The following ZNF831 variants were observed in gnomAD, a reference collection of about 807,000 sequenced individuals.
The protein encoded by ZNF831 is chromosome 20 open reading frame 174.
ZNF831 carries 59 observed loss-of-function variants against 95.8 expected under a neutral mutation model. The ratio of observed to expected loss-of-function variants is 0.62; its 90% confidence interval spans 0.50 to 0.77. ZNF831 has a LOEUF of 0.77. ZNF831 is among the 30% of genes least tolerant of loss of function. The pLI, the probability that ZNF831 is intolerant of heterozygous loss-of-function variation, is 0.00. For synonymous variants in ZNF831, 961 were observed against 925.5 expected (o/e 1.04, Z -0.70); for missense variants, 2,205 against 2,164.0 (o/e 1.02, Z -0.38).
At chr20:59,183,323 G>A (rs1223122186) in intron 1 of ZNF831, among the ~76,000 whole-genome samples, 2 of 152,204 alleles carry the variant, frequency 1.3e-5, no homozygotes, top group Non-Finnish European at 2.9e-5. Context: ...GTGGACTAGG[G>A]AGCATGTTGC....
chr20:59,188,641 A>C (rs1983257681), intron 1 of ZNF831, among the ~76,000 whole-genome samples: 1 of 151,334 alleles, frequency 6.6e-6, no homozygotes, highest in African/African-American at 2.4e-5. Flanking sequence ...TGGGCGACAG[A>C]GTGAGACTCC....
At chr20:59,136,452 C>T (rs1246189643) in intron 1 of ZNF831, among the ~76,000 whole-genome samples, 1 of 152,156 alleles carries the variant, frequency 6.6e-6, no homozygotes, top group African/African-American at 2.4e-5. Context: ...TTCTGCCTTC[C>T]ACATTACCCA....
intron 1 of ZNF831, among the ~76,000 whole-genome samples, chr20:59,129,973 A>G (rs1979298810): frequency 6.6e-6 from 1 of 152,204 alleles, no homozygotes; most frequent in Non-Finnish European, 1.5e-5. Flanking sequence ...GACCATATGC[A>G]GACTTCAGGA....
intron 3 of ZNF831, among the ~76,000 whole-genome samples, chr20:59,205,209 T>G (rs998247002): frequency 6.6e-6 from 1 of 152,130 alleles, no homozygotes; most frequent in African/African-American, 2.4e-5. Context: ...GAAGAAGAAT[T>G]CTCTCCATGT....
chr20:59,201,016 A>G (rs1321704024), intron 3 of ZNF831, among the ~76,000 whole-genome samples: 5 of 152,212 alleles, frequency 3.3e-5, no homozygotes, highest in Non-Finnish European at 7.3e-5. Flanking sequence ...AAAAGCCTGG[A>G]TCATATGGTA....
intron 1 of ZNF831, among the ~76,000 whole-genome samples, chr20:59,143,969 G>A (rs769433486): frequency 2.0e-5 from 3 of 152,276 alleles, no homozygotes; most frequent in East Asian, 1.9e-4. Flanking sequence ...GTGATTATCC[G>A]CTGAGTGCTC....
In ZNF831 at chr20:59,194,034, G is replaced by T; in HGVS notation, c.3015G>T (p.Leu1005=). The change falls in exon 2 of 6, where the codon CTG becomes CTT. Residue 1005 remains leucine (L), a synonymous_variant. Transcript: ENST00000371030. ...GPSPGEADSI[L]EDPSCSRPQD... Reference sequence around the variant, plus strand: ...CCCCAGGTGAGGCGGACAGCATCCTGGAGGACCCCAGCTGTTCCAGGCCAC... The same window carrying T: ...CCCCAGGTGAGGCGGACAGCATCCTTGAGGACCCCAGCTGTTCCAGGCCAC... 6.5e-7 allele frequency: 1 copy of T among 1,527,752 alleles called. No individual in the cohort carries two copies. Among genetic ancestry groups the T allele is most frequent in the South Asian group, 1.3e-5 (1 of 77,094 alleles). The allele number at this position is 1,527,752 out of a possible 1,614,324, so 94.6% of individuals were successfully genotyped here. A position where few individuals can be genotyped will look rare whatever the true frequency, so the allele number is the denominator to read the frequency against.
chr20:59,183,476 A>C lies in ZNF831; in HGVS notation c.-36-7508A>C, dbSNP rs918230855. 1.1e-4 allele frequency among the ~76,000 whole-genome samples: 17 copies of C among 152,204 alleles called. 1 individual carries two copies. Among genetic ancestry groups the C allele is most frequent in the African/African-American group, 4.1e-4 (17 of 41,442 alleles). On this transcript the variant is annotated intron_variant, in intron 1 of 5. Coordinates refer to ENST00000371030, the MANE Select transcript of ZNF831 (RefSeq NM_178457.3). ...TGGCCTACAGATACATATTTGAAAA[A>C]TTTTAATAGGTATTTATGTTAATGG...
chr20:59,206,837 CT>C, intron 3 of ZNF831, 67 bp from the exon 4 acceptor site: 2 of 1,561,976 alleles, frequency 1.3e-6, no homozygotes, highest in Non-Finnish European at 1.7e-6. Context: ...CCCACAGTGA[CT>C]TTCCAGATTT....
chr20:59,212,933 T>G, intron 4 of ZNF831, among the ~76,000 whole-genome samples: 1 of 152,234 alleles, frequency 6.6e-6, no homozygotes, highest in East Asian at 1.9e-4. Context: ...ATGTTGCATT[T>G]TGTGAAACTG....
intron 4 of ZNF831, among the ~76,000 whole-genome samples, chr20:59,221,833 T>G (rs1386388340): frequency 1.3e-5 from 2 of 152,214 alleles, no homozygotes; most frequent in African/African-American, 4.8e-5. Context: ...CCGGTTTTGC[T>G]AGGAGGCACC....
At chr20:59,252,487 C>A (rs1345421155) in intron 4 of ZNF831, among the ~76,000 whole-genome samples, 1 of 152,066 alleles carries the variant, frequency 6.6e-6, no homozygotes, top group Non-Finnish European at 1.5e-5. Context: ...CAACAATAAC[C>A]ACCACAACAA....
At chr20:59,151,280 A>G (rs1001446847) in intron 2 of ZNF831, among the ~76,000 whole-genome samples, 1 of 152,088 alleles carries the variant, frequency 6.6e-6, no homozygotes, top group African/African-American at 2.4e-5. Context: ...TCCTGGGATA[A>G]CCCTTCCTGA....
rs991013213 is a variant in ZNF831 at position 59,198,120 on chromosome 20, C to T, written c.3875+2115C>T. ...CCTGGTGCCCACACCTGGAGGTGGC[C>T]GAGGAAACTTTCTTAATCCAGGGTG... On this transcript the variant is annotated intron_variant, in intron 3 of 5. Coordinates refer to ENST00000371030, the MANE Select transcript of ZNF831 (RefSeq NM_178457.3). Among the ~76,000 whole-genome samples, 9 of 152,162 alleles carry T rather than the reference C, an allele frequency of 5.9e-5. No individual in the cohort carries two copies. The South Asian group carries it at 1.0e-3, about 18-fold the overall frequency.
intron 4 of ZNF831, among the ~76,000 whole-genome samples, chr20:59,241,139 C>A (rs543353287): frequency 6.6e-6 from 1 of 152,132 alleles, no homozygotes; most frequent in African/African-American, 2.4e-5. Flanking sequence ...AAGAATTTGG[C>A]CCCTCTCTTC....
intron 1 of ZNF831, among the ~76,000 whole-genome samples, chr20:59,135,983 C>T (rs1029060769): frequency 1.3e-5 from 2 of 152,162 alleles, no homozygotes; most frequent in Non-Finnish European, 2.9e-5. Flanking sequence ...CAAAAAAAGT[C>T]AGTAGGCTGT....
rs2146593599 is a variant in ZNF831 at position 59,194,057 on chromosome 20, C to T, written c.3038C>T (p.Pro1013Leu). The part of the protein sequence containing the change: ...SILEDPSCSR[P>L]QDGRKGAQLG... Reference sequence around the variant, plus strand: ...CTGGAGGACCCCAGCTGTTCCAGGCCACAGGATGGGAGAAAAGGGGCACAG... The same window carrying T: ...CTGGAGGACCCCAGCTGTTCCAGGCTACAGGATGGGAGAAAAGGGGCACAG... The change falls in exon 2 of 6, where the codon CCA (proline) becomes CTA (leucine). Residue 1013 changes from proline (P) to leucine (L), a missense_variant. Physicochemically the swap from Pro to Leu is moderately conservative, Grantham distance 98. Transcript: ENST00000371030. 2 of 1,530,370 alleles carry T rather than the reference C, an allele frequency of 1.3e-6. No individual in the cohort carries two copies. Among genetic ancestry groups the T allele is most frequent in the Non-Finnish European group, 1.8e-6 (2 of 1,140,466 alleles). 94.8% of individuals were successfully genotyped at this position (1,530,370 alleles called of 1,614,324 possible). A position where few individuals can be genotyped will look rare whatever the true frequency, so the allele number is the denominator to read the frequency against.
intron 4 of ZNF831, among the ~76,000 whole-genome samples, chr20:59,234,891 T>G (rs1229442677): frequency 1.3e-5 from 2 of 152,212 alleles, no homozygotes; most frequent in Non-Finnish European, 2.9e-5. Context: ...GTATGGCACA[T>G]TTTTTACAAT....
intron 1 of ZNF831, among the ~76,000 whole-genome samples, chr20:59,143,611 G>T (rs1057478018): frequency 6.6e-6 from 1 of 152,218 alleles, no homozygotes; most frequent in African/African-American, 2.4e-5. Context: ...CATGTCCTGG[G>T]CCTGTGGAAT....
Sources: allele counts gnomAD v4.1 joint callset (sites outside exome capture counted in the v4.1 genomes callset), GRCh38; gene constraint gnomAD v4.1.1; transcripts MANE v1.5; gene names NCBI Gene and HGNC (gene_info 2026-07-23, HGNC 2026-07-21).